Variants in ABCC12 observed in about 807,000 individuals in gnomAD.
ABCC12 encodes ATP-binding cassette sub-family C member 12.
Under a neutral mutation model 151.1 loss-of-function variants are expected in ABCC12, and 142 were observed. That is an observed-to-expected ratio of 0.94 (90% CI 0.82 to 1.08). The LOEUF (loss-of-function observed/expected upper bound fraction) is 1.08, where lower values mean the gene tolerates loss of function less well. Among genes scored for constraint, ABCC12 ranks in the 50% least tolerant of loss-of-function variants. The probability of loss-of-function intolerance (pLI) is 0.00; values close to 1 mark genes in which losing one functional copy is unlikely to be tolerated. For missense variants in ABCC12, 1,638 were observed against 1,691.1 expected (o/e 0.97, Z 0.55); for synonymous variants, 645 against 646.4 (o/e 1.00, Z 0.03).
Position 48,133,687 on chromosome 16 carries a change from C to T in ABCC12, c.1128G>A (p.Val376=), listed in dbSNP as rs1964509056. ...GCCTCGATCTGGAGCCAGCTCTTAC[C>T]ACGGGTGCGGTGAGTTTGCGTCTCA... is the stretch of plus-strand genomic sequence containing the variant. ...ILLRRKLTAP[V]AFSVIAMFNV... The change falls in exon 9 of 31, where the codon GTG becomes GTA. Residue 376 remains valine, a splice_region_variant and synonymous_variant. Coordinates refer to ENST00000311303, the MANE Select transcript of ABCC12 (RefSeq NM_001393797.1). 6.2e-7 allele frequency: 1 copy of T among 1,613,444 alleles called. No homozygotes were observed. The highest frequency in any genetic ancestry group is 8.5e-7 in the Non-Finnish European group (1 of 1,179,830).
At position 48,081,978 on chromosome 16, in the gene ABCC12, T is replaced by G. The variant is rs1962361889; in HGVS notation, c.*1737A>C. The stretch of plus-strand genomic sequence containing the variant: ...TGCTTGTCATATTGGGGAAGTTATC[T>G]TATGTCCATAAAGGTGATGCCCACA... On this transcript the variant is annotated 3_prime_UTR_variant, in exon 31 of 31. Coordinates refer to ENST00000311303, the MANE Select transcript of ABCC12 (RefSeq NM_001393797.1). Among the ~76,000 whole-genome samples, 1 of 152,136 alleles carries G rather than the reference T, an allele frequency of 6.6e-6. No individual in the cohort carries two copies. The highest frequency in any genetic ancestry group is 1.5e-5 in the Non-Finnish European group (1 of 68,020).
At chr16:48,092,580 C>T (rs927719341) in intron 24 of ABCC12, among the ~76,000 whole-genome samples, 15 of 152,102 alleles carry the variant, frequency 9.9e-5, no homozygotes, top group African/African-American at 3.6e-4. Context: ...CATGCATTAG[C>T]GAACTTCATT....
chr16:48,108,019 GGAAAGAAA>G (rs760621004), intron 19 of ABCC12, among the ~76,000 whole-genome samples: 1 of 151,608 alleles, frequency 6.6e-6, no homozygotes, highest in Non-Finnish European at 1.5e-5. Context: ...AAAAAAAAAA[GGAAAGAAA>G]GAAAGAAAGA....
intron 12 of ABCC12, among the ~76,000 whole-genome samples, chr16:48,123,023 T>A (rs1343262347): frequency 2.6e-5 from 4 of 152,228 alleles, no homozygotes; most frequent in Non-Finnish European, 5.9e-5. Flanking sequence ...AGTGCCCCCC[T>A]GCTTCCCCAG....
intron 2 of ABCC12, among the ~76,000 whole-genome samples, chr16:48,152,455 G>A (rs557151735): frequency 2.2e-4 from 34 of 152,310 alleles, no homozygotes; most frequent in Non-Finnish European, 4.4e-4. Flanking sequence ...TGTGGTCCAT[G>A]ATCAACAACC....
At chr16:48,106,056 G>A (rs1048308694) in intron 20 of ABCC12, among the ~76,000 whole-genome samples, 8 of 152,168 alleles carry the variant, frequency 5.3e-5, no homozygotes, top group Non-Finnish European at 1.0e-4. Flanking sequence ...TGGCAGTTTC[G>A]TTTTTCTCTG....
At chr16:48,118,497 T>G (rs1021638441) in intron 13 of ABCC12, among the ~76,000 whole-genome samples, 1 of 152,258 alleles carries the variant, frequency 6.6e-6, no homozygotes, top group African/African-American at 2.4e-5. Flanking sequence ...GCAGGTTGCC[T>G]GCCTCCACAG....
Position 48,141,347 on chromosome 16 carries a change from T to A in ABCC12, c.282A>T (p.Arg94=), listed in dbSNP as rs771673285. 1 of 1,613,796 alleles carries A rather than the reference T, an allele frequency of 6.2e-7. No individual in the cohort carries two copies. Among genetic ancestry groups the A allele is most frequent in the South Asian group, 1.1e-5 (1 of 91,084 alleles). ...DSSDTNAKRF[R]VLWDEEVARV... is the part of the protein sequence containing the mutation. ...TTGCTACCTCTTCATCCCAAAGGAC[T>A]CGAAATCTGTGATGAAAAAACAGAA... Residue 94 remains arginine, a synonymous_variant, in exon 5 of 31, where the codon CGA becomes CGT. Transcript: ENST00000311303.
chr16:48,121,957 G>C, intron 12 of ABCC12, 117 bp from the exon 13 acceptor site: 1 of 1,444,528 alleles, frequency 6.9e-7, no homozygotes, highest in Non-Finnish European at 9.3e-7. Context: ...AGGCACAAAA[G>C]CGTTGACAGG....
chr16:48,091,883 T>C (rs1454477529), intron 24 of ABCC12, among the ~76,000 whole-genome samples: 1 of 152,190 alleles, frequency 6.6e-6, no homozygotes, highest in East Asian at 1.9e-4. Context: ...AGAGAGGATC[T>C]TTGCAGGTGT....
At chr16:48,117,658 T>C (rs906969884) in intron 13 of ABCC12, among the ~76,000 whole-genome samples, 4 of 152,146 alleles carry the variant, frequency 2.6e-5, no homozygotes, top group African/African-American at 9.7e-5. Flanking sequence ...TGGACGCTCA[T>C]GGGAGTCAGA....
In ABCC12 at chr16:48,145,318, G is replaced by A. The variant is rs1279829458; in HGVS notation, c.119+988C>T. Among the ~76,000 whole-genome samples the A allele has an allele frequency of 5.3e-5, 8 of 152,130 alleles. 1 individual carries two copies. The highest frequency in any genetic ancestry group is 3.9e-4 in the Admixed American group (6 of 15,280). ...CAGGGCCTCGTTCCATGTAGAAAAG[G>A]CAGCATTTCATAATGTTATGGTTAG... On this transcript the variant is annotated intron_variant, in intron 3 of 30. Transcript: ENST00000311303.
At chr16:48,084,541 T>G (rs1823319993) in intron 29 of ABCC12, among the ~76,000 whole-genome samples, 1 of 152,252 alleles carries the variant, frequency 6.6e-6, no homozygotes. Context: ...CAGGGCTGCA[T>G]TCTTTCTGTT....
At position 48,082,236 on chromosome 16, in the gene ABCC12, C is replaced by A. The variant is rs1284959451; in HGVS notation, c.*1479G>T. Among the ~76,000 whole-genome samples the A allele has an allele frequency of 6.6e-6, 1 of 152,218 alleles. No homozygotes were observed. Among genetic ancestry groups the A allele is most frequent in the Non-Finnish European group, 1.5e-5 (1 of 68,034 alleles). ...GAGGGCAGGATCCATTGCTGCCAAG[C>A]TGCTGGGCCAGGGCTTTCATGCAGT... On this transcript the variant is annotated 3_prime_UTR_variant, in exon 31 of 31. Coordinates refer to ENST00000311303, the MANE Select transcript of ABCC12 (RefSeq NM_001393797.1).
intron 18 of ABCC12, among the ~76,000 whole-genome samples, chr16:48,110,440 G>A (rs1421004216): frequency 6.6e-6 from 1 of 152,026 alleles, no homozygotes; most frequent in East Asian, 1.9e-4. Flanking sequence ...AGAATAACTT[G>A]GAAAGCCACC....
In ABCC12 at chr16:48,117,303, G is replaced by C; in HGVS notation, c.1743C>G (p.Leu581=). The change falls in exon 14 of 31, where the codon CTC becomes CTG. Residue 581 remains leucine (L), a synonymous_variant. Transcript: ENST00000311303. The stretch of plus-strand genomic sequence containing the variant: ...AGGGGAGGTTGCTCAGGTCCTTCTG[G>C]AGGCCACAGACGCGGACTGTGTGCT... ...RYQHTVRVCG[L]QKDLSNLPYG... is the part of the protein sequence containing the mutation. 1 of 1,613,912 alleles carries C rather than the reference G, an allele frequency of 6.2e-7. No individual in the cohort carries two copies. The highest frequency in any genetic ancestry group is 8.5e-7 in the Non-Finnish European group (1 of 1,179,942).
intron 23 of ABCC12, among the ~76,000 whole-genome samples, chr16:48,100,652 G>A (rs1349369964): frequency 2.0e-5 from 3 of 152,168 alleles, no homozygotes; most frequent in Non-Finnish European, 4.4e-5. Flanking sequence ...AACAAATGAG[G>A]TTGTCATTGA....
At chr16:48,106,918 C>A (rs1246574011) in intron 20 of ABCC12, among the ~76,000 whole-genome samples, 2 of 152,154 alleles carry the variant, frequency 1.3e-5, no homozygotes, top group African/African-American at 4.8e-5. Context: ...AGCAGAGACA[C>A]GTGGGACCTT....
intron 22 of ABCC12, among the ~76,000 whole-genome samples, chr16:48,101,784 A>C (rs959663909): frequency 6.6e-6 from 1 of 152,178 alleles, no homozygotes; most frequent in Non-Finnish European, 1.5e-5. Flanking sequence ...TTTACTAAGT[A>C]AATCAACTGC....
Sources: gnomAD v4.1 joint callset for allele counts (sites outside exome capture counted in the v4.1 genomes callset) on GRCh38, gnomAD v4.1.1 for gene constraint, MANE v1.5 for transcripts, NCBI Gene and HGNC (gene_info 2026-07-23, HGNC 2026-07-21) for gene names.